DLG2: variants seen among roughly 807,000 people sequenced by gnomAD.
DLG2 encodes discs large MAGUK scaffold protein 2.
Under a neutral mutation model 132.5 loss-of-function variants are expected in DLG2, and 45 were observed. The ratio of observed to expected loss-of-function variants is 0.34; its 90% CI spans 0.27 to 0.44. The LOEUF (loss-of-function observed/expected upper bound fraction) is 0.44, where lower values mean the gene tolerates loss of function less well. Among genes scored for constraint, DLG2 ranks in the 20% least tolerant of loss-of-function variants. The probability of loss-of-function intolerance (pLI) is 1.00; values close to 1 mark genes in which losing one functional copy is unlikely to be tolerated. For missense variants in DLG2, 1,045 were observed against 1,196.9 expected, an observed-to-expected ratio of 0.87 and a Z score of 1.87; for synonymous variants, 424 against 419.6, an observed-to-expected ratio of 1.01 and a Z score of -0.13.
intron 7 of DLG2, among the ~76,000 whole-genome samples, chr11:84,421,476 T>G (rs2098950506): frequency 1.3e-5 from 2 of 152,164 alleles, no homozygotes; most frequent in Admixed American, 1.3e-4. Flanking sequence ...CCAGGTGATT[T>G]CCATGCACAC....
At chr11:84,342,332 C>G (rs1242339055) in intron 7 of DLG2, among the ~76,000 whole-genome samples, 2 of 152,212 alleles carry the variant, frequency 1.3e-5, no homozygotes, top group African/African-American at 4.8e-5. Context: ...AGTACTAATA[C>G]AGCAGGAGTG....
chr11:85,555,058 C>T (rs2076865035), intron 3 of DLG2, among the ~76,000 whole-genome samples: 1 of 151,870 alleles, frequency 6.6e-6, no homozygotes, highest in African/African-American at 2.4e-5. Context: ...TGAGTAGTAA[C>T]TCCTGTCCTC....
chr11:85,147,227 T>G (rs1027640875), intron 5 of DLG2, among the ~76,000 whole-genome samples: 5 of 152,196 alleles, frequency 3.3e-5, no homozygotes, highest in African/African-American at 1.2e-4. Flanking sequence ...CTTGCACAGA[T>G]AGTTATTCAA....
At chr11:85,332,341 G>A (rs771401865) in intron 3 of DLG2, among the ~76,000 whole-genome samples, 13 of 152,120 alleles carry the variant, frequency 8.5e-5, no homozygotes, top group Non-Finnish European at 1.5e-4. Context: ...ATTTGTTCAA[G>A]TTGTTTATAG....
intron 7 of DLG2, among the ~76,000 whole-genome samples, chr11:84,406,312 T>G (rs1221211810): frequency 6.6e-6 from 1 of 152,122 alleles, no homozygotes; most frequent in Non-Finnish European, 1.5e-5. Flanking sequence ...GTTTTTCTTG[T>G]TTTTGTTTGT....
chr11:83,934,301 A>G (rs1189511258), intron 14 of DLG2, among the ~76,000 whole-genome samples: 2 of 152,192 alleles, frequency 1.3e-5, no homozygotes, highest in Non-Finnish European at 2.9e-5. Context: ...TTGGGCCTCT[A>G]TGTAATTACA....
intron 8 of DLG2, among the ~76,000 whole-genome samples, chr11:84,208,862 G>A (rs2096713204): frequency 6.6e-6 from 1 of 152,120 alleles, no homozygotes; most frequent in African/African-American, 2.4e-5. Flanking sequence ...TAGAAAGTGG[G>A]AGTCTAGCTT....
chr11:85,196,684 T>A (rs2081092718), intron 4 of DLG2, among the ~76,000 whole-genome samples: 2 of 152,262 alleles, frequency 1.3e-5, no homozygotes, highest in African/African-American at 4.8e-5. Context: ...AAGCATTTAC[T>A]TATTAGAATT....
At chr11:85,032,083 A>G (rs2154145174) in intron 6 of DLG2, among the ~76,000 whole-genome samples, 1 of 150,640 alleles carries the variant, frequency 6.6e-6, no homozygotes, top group Non-Finnish European at 1.5e-5. Context: ...GATTATAGGC[A>G]TGAACCACCA....
chr11:84,362,542 G>A (rs1567408194), intron 7 of DLG2, among the ~76,000 whole-genome samples: 1 of 150,880 alleles, frequency 6.6e-6, no homozygotes, highest in African/African-American at 2.4e-5. Context: ...AAGTTTTAGG[G>A]TACATGTGCA....
intron 6 of DLG2, among the ~76,000 whole-genome samples, chr11:84,595,295 G>A (rs999724095): frequency 1.3e-5 from 2 of 151,996 alleles, no homozygotes; most frequent in South Asian, 2.1e-4. Flanking sequence ...TTGAGATTTG[G>A]AGAGATAGGG....
At chr11:84,427,933 G>A (rs1164420332) in intron 7 of DLG2, among the ~76,000 whole-genome samples, 1 of 152,166 alleles carries the variant, frequency 6.6e-6, no homozygotes, top group African/African-American at 2.4e-5. Context: ...AACAGTGAAT[G>A]GTATGATAGG....
chr11:83,868,014 A>G (rs2062722317), intron 16 of DLG2, among the ~76,000 whole-genome samples: 1 of 152,230 alleles, frequency 6.6e-6, no homozygotes, highest in African/African-American at 2.4e-5. Context: ...AGGAGCTGAC[A>G]GCTCAAGTAG....
At chr11:84,178,966 G>C (rs997028491) in intron 8 of DLG2, among the ~76,000 whole-genome samples, 2 of 151,970 alleles carry the variant, frequency 1.3e-5, no homozygotes, top group African/African-American at 4.8e-5. Flanking sequence ...CGCAAAAAAG[G>C]AAAGTATGAT....
intron 4 of DLG2, among the ~76,000 whole-genome samples, chr11:85,220,742 C>G (rs2074583612): frequency 6.6e-6 from 1 of 151,074 alleles, no homozygotes; most frequent in South Asian, 2.1e-4. Context: ...GCCTTATAAT[C>G]AGGAAACTAG....
chr11:84,848,995 CT>C (rs1236203243), intron 6 of DLG2, among the ~76,000 whole-genome samples: 1 of 152,198 alleles, frequency 6.6e-6, no homozygotes, highest in Non-Finnish European at 1.5e-5. Flanking sequence ...CTGACAACTT[CT>C]AATTTTGTGT....
chr11:84,301,674 A>AC (rs2098155998), intron 7 of DLG2, among the ~76,000 whole-genome samples: 1 of 151,076 alleles, frequency 6.6e-6, no homozygotes, highest in Non-Finnish European at 1.5e-5. Flanking sequence ...AAAAAAAAAA[A>AC]AAGTCAAGAA....
chr11:85,143,651 T>C (rs1463205971), intron 5 of DLG2, among the ~76,000 whole-genome samples: 2 of 151,860 alleles, frequency 1.3e-5, no homozygotes, highest in Non-Finnish European at 2.9e-5. Flanking sequence ...TTTCATAAAA[T>C]CTTAAAATTT....
At chr11:85,404,651 A>C (rs901965310) in intron 3 of DLG2, among the ~76,000 whole-genome samples, 7 of 151,948 alleles carry the variant, frequency 4.6e-5, no homozygotes, top group Admixed American at 4.6e-4. Context: ...AAAATTATGA[A>C]ACCAAGAGAA....
Sources: allele counts gnomAD v4.1 joint callset (sites outside exome capture counted in the v4.1 genomes callset), GRCh38; gene constraint gnomAD v4.1.1; transcripts MANE v1.5; gene names NCBI Gene and HGNC (gene_info 2026-07-23, HGNC 2026-07-21).